Variants in COX10 observed in about 807,000 individuals in gnomAD.
COX10 encodes protoheme IX farnesyltransferase, mitochondrial.
Under a neutral mutation model 37.3 loss-of-function variants are expected in COX10, and 27 were observed. The ratio of observed to expected loss-of-function variants is 0.72; its 90% CI spans 0.53 to 1.00. The LOEUF (loss-of-function observed/expected upper bound fraction) is 1.00, where lower values mean the gene tolerates loss of function less well. Among genes scored for constraint, COX10 ranks in the 50% least tolerant of loss-of-function variants. The pLI is 0.00. For missense variants in COX10, 475 were observed against 563.2 expected (o/e 0.84, Z 1.59); for synonymous variants, 222 against 229.1 (o/e 0.97, Z 0.28).
intron 4 of COX10, among the ~76,000 whole-genome samples, chr17:14,149,088 A>G (rs192125354): frequency 1.3e-5 from 2 of 151,108 alleles, no homozygotes; most frequent in East Asian, 1.9e-4. Context: ...AAACGTTATA[A>G]TAGGTGTCTA....
At chr17:14,132,712 CAT>C (rs1007103827) in intron 4 of COX10, among the ~76,000 whole-genome samples, 60 of 151,596 alleles carry the variant, frequency 4.0e-4, no homozygotes, top group African/African-American at 1.4e-3. Flanking sequence ...AGAAAAAAGA[CAT>C]GTTTGTAGCA....
chr17:14,127,895 T>C (rs1387250833), intron 4 of COX10, among the ~76,000 whole-genome samples: 3 of 150,904 alleles, frequency 2.0e-5, no homozygotes, highest in African/African-American at 7.3e-5. Context: ...GTTGCATTTT[T>C]AATAGTAATT....
intron 4 of COX10, among the ~76,000 whole-genome samples, chr17:14,141,529 C>CAA (rs71147842): frequency 0.14 from 9,455 of 67,002 alleles, 700 homozygotes; most frequent in East Asian, 0.33. Flanking sequence ...GTCCCTGTCT[C>CAA]AAAAAAAAAA....
rs116795578 is a variant in COX10 at position 14,084,109 on chromosome 17, C to G, written c.499+7053C>G. Among the ~76,000 whole-genome samples the G allele has an allele frequency of 2.6e-3, 393 of 152,150 alleles. 2 individuals carry two copies. Among genetic ancestry groups the G allele is most frequent in the African/African-American group, 9.0e-3 (372 of 41,514 alleles). ...GAAAAAAGCAGAAATGGAGGATACACGTTCATTTTAGATCACTTGTATAGT... is the reference window on the plus strand; with the variant it reads ...GAAAAAAGCAGAAATGGAGGATACAGGTTCATTTTAGATCACTTGTATAGT... On this transcript the variant is annotated intron_variant, in intron 3 of 6. Transcript: ENST00000261643.
chr17:14,192,928 A>G (rs916329813), intron 6 of COX10, among the ~76,000 whole-genome samples: 9 of 152,084 alleles, frequency 5.9e-5, no homozygotes, highest in Non-Finnish European at 1.2e-4. Flanking sequence ...GAGAGATCAA[A>G]AGGCAGTTGA....
intron 4 of COX10, among the ~76,000 whole-genome samples, chr17:14,135,479 C>T (rs1416442362): frequency 1.3e-5 from 2 of 151,762 alleles, no homozygotes; most frequent in African/African-American, 2.4e-5. Context: ...TCTCCACTCC[C>T]GGATATTCTA....
Position 14,208,214 on chromosome 17 carries a change from G to T in COX10, c.*1001G>T, listed in dbSNP as rs1450038556. The stretch of plus-strand genomic sequence containing the variant: ...GAAATTAGCCTCCACATGTGCAATG[G>T]CTTTAAGAGCCAGAAGCAGGGTTCT... On this transcript the variant is annotated 3_prime_UTR_variant, in exon 7 of 7. Coordinates refer to ENST00000261643, the MANE Select transcript of COX10 (RefSeq NM_001303.4). The T allele has an allele frequency of 6.6e-6, 1 of 152,198 alleles. No individual in the cohort carries two copies. The highest frequency in any genetic ancestry group is 1.5e-5 in the Non-Finnish European group (1 of 68,060). 9.4% of individuals were successfully genotyped at this position (152,198 alleles called of 1,614,324 possible).
intron 6 of COX10, among the ~76,000 whole-genome samples, chr17:14,200,788 T>C (rs1445749647): frequency 1.8e-4 from 28 of 152,188 alleles, no homozygotes; most frequent in Admixed American, 1.8e-3. Context: ...TGTGCAGGGT[T>C]AGGTAGGAAA....
intron 3 of COX10, among the ~76,000 whole-genome samples, chr17:14,101,543 A>G (rs963769446): frequency 6.6e-6 from 1 of 152,136 alleles, no homozygotes; most frequent in Non-Finnish European, 1.5e-5. Context: ...TCTGGCTTTG[A>G]TTCTGTACCT....
intron 4 of COX10, among the ~76,000 whole-genome samples, chr17:14,155,647 G>A (rs1434829488): frequency 7.2e-5 from 11 of 151,762 alleles, no homozygotes; most frequent in African/African-American, 1.9e-4. Context: ...CCCAGGAGGC[G>A]GAGCTTGCAG....
At chr17:14,099,885 T>G (rs895747572) in intron 3 of COX10, among the ~76,000 whole-genome samples, 3 of 152,032 alleles carry the variant, frequency 2.0e-5, no homozygotes, top group African/African-American at 7.2e-5. Flanking sequence ...GCCAGCTAGC[T>G]TCATCACCTC....
At chr17:14,130,304 C>G (rs186616747) in intron 4 of COX10, among the ~76,000 whole-genome samples, 24 of 152,216 alleles carry the variant, frequency 1.6e-4, no homozygotes, top group African/African-American at 5.3e-4. Context: ...AAGATAAAAT[C>G]TGAGTAATGT....
intron 3 of COX10, among the ~76,000 whole-genome samples, chr17:14,098,282 T>C (rs1350481453): frequency 1.3e-5 from 2 of 152,204 alleles, no homozygotes; most frequent in Non-Finnish European, 2.9e-5. Context: ...GAGAAACCTC[T>C]GCAGTCTCCT....
rs530016452 is a variant in COX10 at position 14,183,090 on chromosome 17, C to T, written c.696-8899C>T. On this transcript the variant is annotated intron_variant, in intron 5 of 6. Transcript: ENST00000261643. ...AAATGTGTGGACCAATTTTTCCCCACTCTCAATCCATCAGTTTCTTTTCTA... is the reference window on the plus strand; with the variant it reads ...AAATGTGTGGACCAATTTTTCCCCATTCTCAATCCATCAGTTTCTTTTCTA... Among the ~76,000 whole-genome samples, 954 of 148,520 alleles carry T rather than the reference C, an allele frequency of 6.4e-3. 8 individuals are homozygous for T. Among genetic ancestry groups the T allele is most frequent in the African/African-American group, 0.022 (901 of 40,314 alleles).
Position 14,208,180 on chromosome 17 carries a change from C to G in COX10, c.*967C>G, listed in dbSNP as rs1475823652. The G allele has an allele frequency of 6.6e-6, 1 of 152,252 alleles. No homozygotes were observed. Among genetic ancestry groups the G allele is most frequent in the Non-Finnish European group, 1.5e-5 (1 of 68,052 alleles). The allele number at this position is 152,252 out of a possible 1,614,324, so 9.4% of individuals were successfully genotyped here. A position where few individuals can be genotyped will look rare whatever the true frequency, so the allele number is the denominator to read the frequency against. On this transcript the variant is annotated 3_prime_UTR_variant, in exon 7 of 7. Coordinates refer to ENST00000261643, the MANE Select transcript of COX10 (RefSeq NM_001303.4). Reference sequence around the variant, plus strand: ...AAATACATGTCCATCCTGATATCTCCTGAATTCAGAAATTAGCCTCCACAT... The same window carrying G: ...AAATACATGTCCATCCTGATATCTCGTGAATTCAGAAATTAGCCTCCACAT...
At chr17:14,172,578 CT>C (rs57560461) in intron 5 of COX10, among the ~76,000 whole-genome samples, 3,376 of 105,506 alleles carry the variant, frequency 0.032, 54 homozygotes, top group African/African-American at 0.078. Flanking sequence ...TTTTCTTTTT[CT>C]TTTTTTTTTT....
intron 5 of COX10, among the ~76,000 whole-genome samples, chr17:14,162,636 T>C (rs1487609100): frequency 6.6e-6 from 1 of 151,386 alleles, no homozygotes; most frequent in African/African-American, 2.4e-5. Flanking sequence ...TTTTTTTTTT[T>C]TATCAACTAC....
Position 14,190,803 on chromosome 17 carries a change from C to G in COX10, c.696-1186C>G, listed in dbSNP as rs1013765861. Among the ~76,000 whole-genome samples, 13 of 152,078 alleles carry G rather than the reference C, an allele frequency of 8.5e-5. 1 individual carries two copies. Among genetic ancestry groups the G allele is most frequent in the Admixed American group, 4.6e-4 (7 of 15,256 alleles). ...AGTTAGTCTTTTTCCTAGAAGGGCC[C>G]TCTCATAGATACAGGCCCTCTCTCC... On this transcript the variant is annotated intron_variant, in intron 5 of 6. Coordinates refer to ENST00000261643, the MANE Select transcript of COX10 (RefSeq NM_001303.4).
At chr17:14,133,635 C>T (rs923901316) in intron 4 of COX10, among the ~76,000 whole-genome samples, 2 of 151,474 alleles carry the variant, frequency 1.3e-5, no homozygotes, top group Non-Finnish European at 1.5e-5. Flanking sequence ...CCATCACTAC[C>T]AACACCACAT....
Sources: gnomAD v4.1 joint callset for allele counts (sites outside exome capture counted in the v4.1 genomes callset) on GRCh38, gnomAD v4.1.1 for gene constraint, MANE v1.5 for transcripts, NCBI Gene and HGNC (gene_info 2026-07-23, HGNC 2026-07-21) for gene names.